The following ADAT1 variants were observed in gnomAD, a reference collection of about 807,000 sequenced individuals.
ADAT1 encodes the protein adenosine deaminase tRNA specific 1, also known as tRNA-specific adenosine deaminase 1.
ADAT1 carries 58 observed loss-of-function variants against 58.6 expected under a neutral mutation model. The observed-to-expected ratio is 0.99, with a 90% confidence interval of 0.80 to 1.23. The LOEUF (loss-of-function observed/expected upper bound fraction) is 1.23. ADAT1 is among the 50% of genes most tolerant of loss of function. The pLI is 0.00. For synonymous variants in ADAT1, 254 were observed against 220.8 expected (o/e 1.15, Z -1.33); for missense variants, 741 against 608.6 (o/e 1.22, Z -2.29).
chr16:75,601,148 C>A (rs1005690800), intron 9 of ADAT1, among the ~76,000 whole-genome samples: 5 of 152,086 alleles, frequency 3.3e-5, no homozygotes, highest in African/African-American at 1.2e-4. Context: ...TGAGACCAGC[C>A]TGGCCAACAT....
chr16:75,606,639 A>T (rs988439522), intron 8 of ADAT1, among the ~76,000 whole-genome samples: 7 of 152,212 alleles, frequency 4.6e-5, no homozygotes, highest in Non-Finnish European at 7.3e-5. Context: ...AGCCCCCGTC[A>T]AGTCTTCAGA....
In ADAT1 at chr16:75,600,116, A is replaced by C; in HGVS notation, c.*100T>G. The stretch of plus-strand genomic sequence containing the variant: ...AACAGAGATGCAAAGCTCAGAAAGA[A>C]TGTTCCCTGATTTAACTACCAAAAA... On this transcript the variant is annotated 3_prime_UTR_variant, in exon 10 of 10. Coordinates refer to ENST00000564657, the MANE Select transcript of ADAT1 (RefSeq NM_001324445.2). The C allele has an allele frequency of 6.5e-7, 1 of 1,548,854 alleles. No homozygotes were observed. The highest frequency in any genetic ancestry group is 2.3e-5 in the East Asian group (1 of 44,204).
chr16:75,619,639 G>A (rs1038273812), intron 3 of ADAT1: 11 of 454,942 alleles, frequency 2.4e-5, no homozygotes, highest in Admixed American at 7.1e-5. Context: ...TACCAGGTGC[G>A]GTGGCTCACA....
chr16:75,619,893 C>CAAAAA (rs750598792), intron 3 of ADAT1: 25 of 98,458 alleles, frequency 2.5e-4, no homozygotes, highest in East Asian at 1.1e-3. Flanking sequence ...GACTCCGAGT[C>CAAAAA]AAAAAAAAAA....
chr16:75,620,618 GA>G lies in ADAT1; in HGVS notation c.169+12del. The G allele has an allele frequency of 6.2e-7, 1 of 1,611,914 alleles. No homozygotes were observed. Among genetic ancestry groups the G allele is most frequent in the Non-Finnish European group, 8.5e-7 (1 of 1,179,506 alleles). ...CTCACAGTGAGGAGCATGCCAAGAA[GA>G]AAAAGTCTCACCTTGCACCGGCTTA... On this transcript the variant is annotated intron_variant, in intron 2 of 9. Transcript: ENST00000564657.
chr16:75,619,107 A>G (rs949993537), intron 3 of ADAT1, among the ~76,000 whole-genome samples: 2 of 152,234 alleles, frequency 1.3e-5, no homozygotes, highest in African/African-American at 4.8e-5. Context: ...ATGGTGGTAC[A>G]ATTCCATCTA....
chr16:75,617,096 G>A, intron 5 of ADAT1, 46 bp downstream of exon 5: 1 of 1,566,698 alleles, frequency 6.4e-7, no homozygotes. Context: ...ACAAACATAA[G>A]GAAGTAGTTC....
At chr16:75,618,509 C>CT in intron 4 of ADAT1, 77 bp downstream of exon 4, 1 of 780,236 alleles carries the variant, frequency 1.3e-6, no homozygotes, top group Non-Finnish European at 1.9e-6. Context: ...CTGTCCCCCC[C>CT]AAAAAAAAAA....
chr16:75,616,438 T>G (rs2151775948), intron 5 of ADAT1, among the ~76,000 whole-genome samples: 1 of 152,348 alleles, frequency 6.6e-6, no homozygotes. Context: ...GCTTAAAAGT[T>G]TTAAGGTTTA....
In ADAT1 at chr16:75,623,092, T is replaced by A. The variant is rs547158786; in HGVS notation, c.-711A>T. 2 of 152,236 alleles carry A rather than the reference T, an allele frequency of 1.3e-5. No homozygotes were observed. The highest frequency in any genetic ancestry group is 3.9e-4 in the East Asian group (2 of 5,172). The allele number at this position is 152,236 out of a possible 1,614,324, so 9.4% of individuals were successfully genotyped here. A position where few individuals can be genotyped will look rare whatever the true frequency, so the allele number is the denominator to read the frequency against. On this transcript the variant is annotated 5_prime_UTR_variant, in exon 1 of 10. Transcript: ENST00000564657. ...CTCTTCAGGCGCCGGCTGCTGACAG[T>A]TCCAGGCGTGGAGCGCCTTCCCACG...
chr16:75,600,060 C>T lies in ADAT1; in HGVS notation c.*156G>A, dbSNP rs113851556. On this transcript the variant is annotated 3_prime_UTR_variant, in exon 10 of 10. Coordinates refer to ENST00000564657, the MANE Select transcript of ADAT1 (RefSeq NM_001324445.2). ...AGCTACTTCAATCAAGTATAGCTTG[C>T]TCTAAGTTCCAGATTCCATCTGTAT... 6.7e-7 allele frequency: 1 copy of T among 1,484,116 alleles called. No individual in the cohort carries two copies. Among genetic ancestry groups the T allele is most frequent in the African/African-American group, 1.4e-5 (1 of 71,294 alleles). The allele number at this position is 1,484,116 out of a possible 1,614,324, so 91.9% of individuals were successfully genotyped here.
At chr16:75,607,791 C>T (rs1404483459) in intron 8 of ADAT1, among the ~76,000 whole-genome samples, 2 of 152,140 alleles carry the variant, frequency 1.3e-5, no homozygotes, top group Non-Finnish European at 2.9e-5. Flanking sequence ...GTTCATAGTT[C>T]TACACAGCAG....
chr16:75,598,924 A>C lies in ADAT1; in HGVS notation c.*1292T>G, dbSNP rs1156834545. On this transcript the variant is annotated 3_prime_UTR_variant, in exon 10 of 10. Coordinates refer to ENST00000564657, the MANE Select transcript of ADAT1 (RefSeq NM_001324445.2). ...AATATTTATAGCCACAAAATGCTGA[A>C]GAACCAATAAGGACCTTGAGTAACC... 1 of 985,240 alleles carries C rather than the reference A, an allele frequency of 1.0e-6. No individual in the cohort carries two copies. The highest frequency in any genetic ancestry group is 1.7e-5 in the African/African-American group (1 of 57,214). The allele number at this position is 985,240 out of a possible 1,614,324, so 61.0% of individuals were successfully genotyped here. A position where few individuals can be genotyped will look rare whatever the true frequency, so the allele number is the denominator to read the frequency against.
At chr16:75,607,749 C>A (rs1199675660) in intron 8 of ADAT1, among the ~76,000 whole-genome samples, 1 of 152,134 alleles carries the variant, frequency 6.6e-6, no homozygotes, top group East Asian at 1.9e-4. Context: ...AAATTGAAAA[C>A]ATATGGCCAT....
At chr16:75,619,673 G>A (rs1165133762) in intron 3 of ADAT1, 1 of 453,482 alleles carries the variant, frequency 2.2e-6, no homozygotes, top group Admixed American at 2.4e-5. Context: ...CACTTTGGGA[G>A]GCCAATGTGG....
rs762784913 is a variant in ADAT1 at position 75,597,407 on chromosome 16, A to G, written c.*2809T>C. On this transcript the variant is annotated 3_prime_UTR_variant, in exon 10 of 10. Transcript: ENST00000564657. ...ATCAGAAGCTAAGGAGGAAGCATGA[A>G]AGAGTCTTCTTCAGAGCAGCAGTCC... 1.9e-4 allele frequency: 88 copies of G among 451,312 alleles called. 4 individuals carry two copies. The highest frequency in any genetic ancestry group is 1.4e-3 in the South Asian group (87 of 63,332). The allele number at this position is 451,312 out of a possible 1,614,324, so 28.0% of individuals were successfully genotyped here.
At chr16:75,619,797 G>A (rs77399918) in intron 3 of ADAT1, 11,295 of 349,720 alleles carry the variant, frequency 0.032, 324 homozygotes, top group African/African-American at 0.081. Context: ...GCTGAGGCAG[G>A]AGAATCGCTT....
intron 8 of ADAT1, among the ~76,000 whole-genome samples, chr16:75,606,635 C>T (rs764089003): frequency 2.0e-3 from 298 of 152,274 alleles, no homozygotes; most frequent in Non-Finnish European, 2.7e-3. Flanking sequence ...CTTGAGCCCC[C>T]GTCAAGTCTT....
Position 75,612,319 on chromosome 16 carries a change from G to C in ADAT1, c.967C>G (p.Pro323Ala), listed in dbSNP as rs1176234362. 1 of 1,614,164 alleles carries C rather than the reference G, an allele frequency of 6.2e-7. No homozygotes were observed. Among genetic ancestry groups the C allele is most frequent in the Admixed American group, 1.7e-5 (1 of 60,016 alleles). ...GALLMHLLEE[P>A]IYLSAVVIGK... ...ATGACCACAGCTGACAGGTAGATGG[G>C]CTCTTCCAGCAAGTGCATCAACAGT... The change falls in exon 6 of 10, where the codon CCC (proline) becomes GCC (alanine). Residue 323 changes from proline (P) to alanine (A), a missense_variant. Coordinates refer to ENST00000564657, the MANE Select transcript of ADAT1 (RefSeq NM_001324445.2).
Sources: allele counts gnomAD v4.1 joint callset (sites outside exome capture counted in the v4.1 genomes callset), GRCh38; gene constraint gnomAD v4.1.1; transcripts MANE v1.5; gene names NCBI Gene and HGNC (gene_info 2026-07-23, HGNC 2026-07-21).